Variants in DSG2 observed in about 807,000 individuals in gnomAD.
The protein encoded by DSG2 is desmoglein 2.
Under a neutral mutation model 75.6 loss-of-function variants are expected in DSG2, and 45 were observed. The observed-to-expected ratio is 0.60, with a 90% CI of 0.47 to 0.76. The LOEUF is 0.76. Among genes scored for constraint, DSG2 ranks in the 30% least tolerant of loss-of-function variants. DSG2 has a pLI of 0.00. For missense variants in DSG2, 1,267 were observed against 1,357.4 expected (o/e 0.93, Z 1.05); for synonymous variants, 429 against 483.9 (o/e 0.89, Z 1.49).
chr18:31,519,242 A>G (rs2073112644), intron 2 of DSG2, among the ~76,000 whole-genome samples: 1 of 152,204 alleles, frequency 6.6e-6, no homozygotes, highest in African/African-American at 2.4e-5. Context: ...ACTCTGGGAA[A>G]TCATTTCTTA....
intron 1 of DSG2, among the ~76,000 whole-genome samples, chr18:31,514,695 A>G (rs1159410137): frequency 6.6e-6 from 1 of 152,254 alleles, no homozygotes; most frequent in Admixed American, 6.5e-5. Flanking sequence ...CTCTAGACCT[A>G]CTGAATTGGA....
Position 31,548,335 on chromosome 18 carries a change from A to G in DSG2, c.*1592A>G, listed in dbSNP as rs1341070008. On this transcript the variant is annotated 3_prime_UTR_variant, in exon 15 of 15. Coordinates refer to ENST00000261590, the MANE Select transcript of DSG2 (RefSeq NM_001943.5). ...CCACAACAATTTTCATAATTTTCAA[A>G]GACTAATTTCTTGACTGAAGATATT... The G allele has an allele frequency of 6.6e-6, 1 of 152,238 alleles. No individual in the cohort carries two copies. Among genetic ancestry groups the G allele is most frequent in the African/African-American group, 2.4e-5 (1 of 41,474 alleles). 9.4% of individuals were successfully genotyped at this position (152,238 alleles called of 1,614,324 possible).
chr18:31,542,972 T>G (rs2073280024), intron 14 of DSG2, 120 bp downstream of exon 14: 2 of 957,448 alleles, frequency 2.1e-6, no homozygotes, highest in Non-Finnish European at 3.0e-6. Flanking sequence ...TTTTTTTTTT[T>G]TCTTTTTTCA....
rs573837473 is a variant in DSG2, at chr18:31,503,460, T to C, written c.45+5164T>C. Among the ~76,000 whole-genome samples, 8 of 152,334 alleles carry C rather than the reference T, an allele frequency of 5.3e-5. No homozygotes were observed. The South Asian group carries it at 8.3e-4, about 16-fold the overall frequency. ...TTCTGCAGAGGAACCTAAACATTCA[T>C]TGTTGCTTGAACTTAGAAAGTGAGG... On this transcript the variant is annotated intron_variant, in intron 1 of 14. Transcript: ENST00000261590.
chr18:31,506,922 T>G (rs1421459759), intron 1 of DSG2, among the ~76,000 whole-genome samples: 1 of 152,228 alleles, frequency 6.6e-6, no homozygotes, highest in Admixed American at 6.5e-5. Flanking sequence ...TTTGCTTTTT[T>G]GTTTTTTCTT....
Position 31,546,684 on chromosome 18 carries a change from A to G in DSG2, c.3298A>G (p.Ile1100Val), listed in dbSNP as rs1253268725. The change falls in exon 15 of 15, where the codon ATA becomes GTA. Residue 1100 changes from isoleucine to valine, a missense_variant. Coordinates refer to ENST00000261590, the MANE Select transcript of DSG2 (RefSeq NM_001943.5). ...GGAATCTGGTCATTCTAATTCTACC[A>G]TAACCACATCTTCCACCAGAGTTAC... ...LEESGHSNST[I>V]TTSSTRVTKH... 2.5e-6 allele frequency: 4 copies of G among 1,614,222 alleles called. No individual in the cohort carries two copies. The highest frequency in any genetic ancestry group is 3.3e-5 in the Admixed American group (2 of 60,030).
intron 8 of DSG2, among the ~76,000 whole-genome samples, chr18:31,526,557 T>C (rs1478851003): frequency 6.6e-6 from 1 of 152,182 alleles, no homozygotes; most frequent in Non-Finnish European, 1.5e-5. Context: ...CGAGACAAAA[T>C]CAGTTTATCT....
Position 31,535,264 on chromosome 18 carries a change from T to C in DSG2, c.1281-6T>C. On this transcript the variant is annotated splice_polypyrimidine_tract_variant and splice_region_variant and intron_variant, in intron 9 of 14. Coordinates refer to ENST00000261590, the MANE Select transcript of DSG2 (RefSeq NM_001943.5). ...CAAAATTAATTTTATGTTTGTTTTATGACAGATATGTAAAATTAGAAGATA... is the reference window on the plus strand; with the variant it reads ...CAAAATTAATTTTATGTTTGTTTTACGACAGATATGTAAAATTAGAAGATA... The C allele has an allele frequency of 6.4e-7, 1 of 1,563,522 alleles. No homozygotes were observed. Among genetic ancestry groups the C allele is most frequent in the Non-Finnish European group, 8.8e-7 (1 of 1,137,204 alleles).
Position 31,536,321 on chromosome 18 carries a change from G to A in DSG2, c.1543G>A (p.Val515Ile), listed in dbSNP as rs2230235. The change falls in exon 11 of 15, where the codon GTT (valine) becomes ATT (isoleucine). Residue 515 changes from valine (V) to isoleucine (I), a missense_variant. Transcript: ENST00000261590. Reference protein sequence around the residue: ...TICHDAEYVNVTAEDLDGHPN... With the variant: ...TICHDAEYVNITAEDLDGHPN... ...CTGTCACGATGCAGAGTATGTGAAT[G>A]TTACTGCAGAGGACCTGGATGGACA... 1.6e-3 allele frequency: 2,554 copies of A among 1,614,202 alleles called. 31 individuals carry two copies. In the African/African-American group the frequency reaches 0.03, roughly 19 times the overall value.
chr18:31,524,253 C>T (rs1410666176), intron 6 of DSG2, among the ~76,000 whole-genome samples, 195 bp from the exon 7 acceptor site: 1 of 152,226 alleles, frequency 6.6e-6, no homozygotes, highest in African/African-American at 2.4e-5. Flanking sequence ...CTATCTACAA[C>T]TCCCGAGGCT....
chr18:31,546,821 A>C lies in DSG2; in HGVS notation c.*78A>C. ...ATGTTTCCAATGTACCTGATTTTTCATGAGCCTTACAGACACACAGAGACA... is the reference window on the plus strand; with the variant it reads ...ATGTTTCCAATGTACCTGATTTTTCCTGAGCCTTACAGACACACAGAGACA... On this transcript the variant is annotated 3_prime_UTR_variant, in exon 15 of 15. Coordinates refer to ENST00000261590, the MANE Select transcript of DSG2 (RefSeq NM_001943.5). 1.3e-6 allele frequency: 2 copies of C among 1,504,688 alleles called. No homozygotes were observed. The highest frequency in any genetic ancestry group is 1.8e-6 in the Non-Finnish European group (2 of 1,081,592). 93.2% of individuals were successfully genotyped at this position (1,504,688 alleles called of 1,614,324 possible).
intron 6 of DSG2, among the ~76,000 whole-genome samples, chr18:31,523,138 A>G (rs965039049): frequency 4.6e-5 from 7 of 152,198 alleles, no homozygotes; most frequent in African/African-American, 1.2e-4. Context: ...GTGGTGGCTC[A>G]TGCCTGTAAT....
intron 8 of DSG2, among the ~76,000 whole-genome samples, chr18:31,526,375 A>G (rs1304123309): frequency 2.6e-5 from 4 of 152,224 alleles, no homozygotes; most frequent in South Asian, 4.1e-4. Flanking sequence ...ATATAAATGT[A>G]TAACAGAATA....
In DSG2 at chr18:31,535,418, T is replaced by A. The variant is rs773467037; in HGVS notation, c.1423+6T>A. 1 of 1,596,040 alleles carries A rather than the reference T, an allele frequency of 6.3e-7. No individual in the cohort carries two copies. The highest frequency in any genetic ancestry group is 8.6e-7 in the Non-Finnish European group (1 of 1,164,810). On this transcript the variant is annotated splice_donor_region_variant and intron_variant, in intron 10 of 14. Transcript: ENST00000261590. Reference sequence around the variant, plus strand: ...GATTGTGGCCATATCAGAAGGTAAGTTATTAAATAGATCTTTTTCTTGATT... The same window carrying A: ...GATTGTGGCCATATCAGAAGGTAAGATATTAAATAGATCTTTTTCTTGATT...
intron 1 of DSG2, among the ~76,000 whole-genome samples, chr18:31,509,288 T>A (rs2073054618): frequency 6.6e-6 from 1 of 152,226 alleles, no homozygotes; most frequent in African/African-American, 2.4e-5. Context: ...ATCATATTTG[T>A]TACATTCAGA....
chr18:31,502,124 A>G (rs2073016504), intron 1 of DSG2, among the ~76,000 whole-genome samples: 1 of 152,206 alleles, frequency 6.6e-6, no homozygotes, highest in Non-Finnish European at 1.5e-5. Flanking sequence ...ATTATAACTT[A>G]AGGCAAGTAC....
intron 6 of DSG2, chr18:31,522,596 T>C (rs921354477): frequency 5.0e-5 from 9 of 178,344 alleles, no homozygotes; most frequent in Non-Finnish European, 1.1e-4. Context: ...AAATAAAATA[T>C]ACTTGTTTAA....
At chr18:31,510,620 A>C (rs2073061510) in intron 1 of DSG2, among the ~76,000 whole-genome samples, 1 of 152,214 alleles carries the variant, frequency 6.6e-6, no homozygotes, top group African/African-American at 2.4e-5. Flanking sequence ...GCCAGATACC[A>C]GGAAGTCCAG....
rs181820907 is a variant in DSG2, at chr18:31,518,083, A to C, written c.46-156A>C. Among the ~76,000 whole-genome samples, 806 of 152,320 alleles carry C rather than the reference A, an allele frequency of 5.3e-3. 5 individuals are homozygous for C. The highest frequency in any genetic ancestry group is 7.1e-3 in the Non-Finnish European group (483 of 68,028). On this transcript the variant is annotated intron_variant, in intron 1 of 14. Coordinates refer to ENST00000261590, the MANE Select transcript of DSG2 (RefSeq NM_001943.5). ...CGGGCACTTCCCATTAGGGAAGGCAATGGGAAAAATTAGTTTCCTCTTGAC... is the reference window on the plus strand; with the variant it reads ...CGGGCACTTCCCATTAGGGAAGGCACTGGGAAAAATTAGTTTCCTCTTGAC...
Sources: allele counts gnomAD v4.1 joint callset (sites outside exome capture counted in the v4.1 genomes callset), GRCh38; gene constraint gnomAD v4.1.1; transcripts MANE v1.5; gene names NCBI Gene and HGNC (gene_info 2026-07-23, HGNC 2026-07-21).